Variants in DPP6 observed in about 807,000 individuals in gnomAD.
The protein encoded by DPP6 is A-type potassium channel modulatory protein DPP6.
A neutral mutation model predicts 122.6 loss-of-function variants in DPP6; 69 were observed. That is an observed-to-expected ratio of 0.56 (90% confidence interval 0.46 to 0.69). DPP6 has a LOEUF of 0.69. Ranked by LOEUF, DPP6 falls within the 30% of genes least tolerant of loss-of-function variation. The pLI, the probability that DPP6 is intolerant of heterozygous loss-of-function variation, is 0.00. For synonymous variants in DPP6, 418 were observed against 433.1 expected (o/e 0.97, Z 0.43); for missense variants, 928 against 1,116.9 (o/e 0.83, Z 2.41).
At chr7:153,949,884 A>T (rs62484203) in intron 1 of DPP6, among the ~76,000 whole-genome samples, 6,124 of 152,278 alleles carry the variant, frequency 0.04, 140 homozygotes, top group Middle Eastern at 0.065. Flanking sequence ...CGCCCCTTGA[A>T]AGGCTGAAAC....
chr7:154,190,281 G>C (rs1798552092), intron 1 of DPP6, among the ~76,000 whole-genome samples: 1 of 152,152 alleles, frequency 6.6e-6, no homozygotes, highest in African/African-American at 2.4e-5. Flanking sequence ...CTCCAGGTGA[G>C]TTTGATCATT....
intron 16 of DPP6, among the ~76,000 whole-genome samples, chr7:154,814,735 G>C (rs1799305109): frequency 1.3e-5 from 2 of 152,150 alleles, no homozygotes; most frequent in Admixed American, 1.3e-4. Flanking sequence ...AGGCTGTGAG[G>C]GAGAATCTGT....
chr7:154,826,609 C>A (rs1584811718), intron 16 of DPP6, among the ~76,000 whole-genome samples: 1 of 152,306 alleles, frequency 6.6e-6, no homozygotes, highest in East Asian at 1.9e-4. Context: ...GGAACAACAA[C>A]CTTCTCCTCG....
chr7:154,126,297 G>A (rs1269197712), intron 1 of DPP6, among the ~76,000 whole-genome samples: 2 of 152,274 alleles, frequency 1.3e-5, no homozygotes, highest in African/African-American at 4.8e-5. Flanking sequence ...GTTGACATAA[G>A]GGGAAATCGA....
intron 1 of DPP6, among the ~76,000 whole-genome samples, chr7:154,000,007 G>C (rs979486151): frequency 2.6e-5 from 4 of 152,032 alleles, no homozygotes; most frequent in African/African-American, 9.7e-5. Context: ...CTCCTCAAAG[G>C]TGGAAAATTT....
the DPP6 span, among the ~76,000 whole-genome samples, chr7:153,853,128 A>C: frequency 6.6e-6 from 1 of 152,220 alleles, no homozygotes; most frequent in Non-Finnish European, 1.5e-5. Context: ...CAGAGGAATC[A>C]AATGCATGGC....
intron 6 of DPP6, among the ~76,000 whole-genome samples, chr7:154,652,378 G>C (rs1303133643): frequency 6.9e-6 from 1 of 145,544 alleles, no homozygotes; most frequent in Non-Finnish European, 1.5e-5. Context: ...TTTTTCTTTA[G>C]TCTAATTCAT....
the DPP6 span, among the ~76,000 whole-genome samples, chr7:153,846,328 T>C: frequency 1.7e-4 from 26 of 152,202 alleles, no homozygotes; most frequent in Admixed American, 1.4e-3. Context: ...ATCTTTTGGC[T>C]ATTGATTTGT....
At chr7:154,500,927 A>T (rs1300656893) in intron 3 of DPP6, among the ~76,000 whole-genome samples, 1 of 152,194 alleles carries the variant, frequency 6.6e-6, no homozygotes, top group Non-Finnish European at 1.5e-5. Flanking sequence ...TTGAATGTTG[A>T]ATGGCTTTTC....
chr7:154,287,504 C>G (rs576988476), intron 1 of DPP6, among the ~76,000 whole-genome samples: 1 of 152,186 alleles, frequency 6.6e-6, no homozygotes, highest in Non-Finnish European at 1.5e-5. Flanking sequence ...ACAGATCCCA[C>G]GTGGGCCCTG....
the DPP6 span, among the ~76,000 whole-genome samples, chr7:153,788,166 G>A: frequency 3.3e-5 from 5 of 152,180 alleles, no homozygotes; most frequent in African/African-American, 1.2e-4. Flanking sequence ...CTGTATTAAA[G>A]CTTGTAGACT....
chr7:154,842,914 C>T (rs761769248), intron 16 of DPP6, among the ~76,000 whole-genome samples: 56 of 152,170 alleles, frequency 3.7e-4, no homozygotes, highest in Non-Finnish European at 7.6e-4. Context: ...GCACCAGCCA[C>T]GAGGCAGGCT....
At chr7:154,097,263 C>G (rs1295816859) in intron 1 of DPP6, among the ~76,000 whole-genome samples, 2 of 152,250 alleles carry the variant, frequency 1.3e-5, no homozygotes, top group Non-Finnish European at 2.9e-5. Flanking sequence ...CAAACACCCT[C>G]ATAAGTGGGC....
intron 1 of DPP6, among the ~76,000 whole-genome samples, chr7:154,105,550 T>G (rs1806095980): frequency 6.6e-6 from 1 of 152,182 alleles, no homozygotes; most frequent in South Asian, 2.1e-4. Context: ...ATGGTTTAGC[T>G]GTGTGCCCAC....
chr7:153,803,462 T>C, the DPP6 span, among the ~76,000 whole-genome samples: 121 of 151,908 alleles, frequency 8.0e-4, no homozygotes, highest in East Asian at 4.3e-3. Flanking sequence ...TGCCCCTGCC[T>C]ACCTGCCTGA....
chr7:154,085,007 A>AAAAAAAAC (rs1563182900), intron 1 of DPP6, among the ~76,000 whole-genome samples: 8 of 149,120 alleles, frequency 5.4e-5, no homozygotes, highest in African/African-American at 1.5e-4. Context: ...AAAAAAAAAA[A>AAAAAAAAC]AAAACAGGTG....
chr7:154,751,609 C>CA (rs11339562), intron 8 of DPP6, among the ~76,000 whole-genome samples: 166 of 87,214 alleles, frequency 1.9e-3, no homozygotes, highest in East Asian at 9.6e-3. Flanking sequence ...GACTCTGTCT[C>CA]AAAAAAAAAA....
chr7:154,272,413 G>A (rs1265470794), intron 1 of DPP6, among the ~76,000 whole-genome samples: 2 of 152,132 alleles, frequency 1.3e-5, no homozygotes, highest in African/African-American at 4.8e-5. Context: ...AAGACAATCC[G>A]AGGGGAAGCA....
chr7:154,880,036 C>T (rs1047219596), intron 20 of DPP6, among the ~76,000 whole-genome samples: 1 of 152,246 alleles, frequency 6.6e-6, no homozygotes, highest in Non-Finnish European at 1.5e-5. Flanking sequence ...ATTTTCTCCT[C>T]TTTACTAGAA....
Sources: gnomAD v4.1 joint callset for allele counts (sites outside exome capture counted in the v4.1 genomes callset) on GRCh38, gnomAD v4.1.1 for gene constraint, MANE v1.5 for transcripts, NCBI Gene and HGNC (gene_info 2026-07-23, HGNC 2026-07-21) for gene names.